DOCK4: variants seen among roughly 807,000 people sequenced by gnomAD.
DOCK4 encodes the protein dedicator of cytokinesis protein 4.
In DOCK4, 97 loss-of-function variants were observed where a neutral mutation model predicts 268.1. That is an observed-to-expected ratio of 0.36 (90% CI 0.31 to 0.43). The LOEUF (loss-of-function observed/expected upper bound fraction) is 0.43, where lower values mean the gene tolerates loss of function less well. Among genes scored for constraint, DOCK4 ranks in the 20% least tolerant of loss-of-function variants. DOCK4 has a pLI of 1.00. For missense variants in DOCK4, 2,145 were observed against 2,455.7 expected (o/e 0.87, Z 2.67); for synonymous variants, 954 against 887.2 (o/e 1.08, Z -1.34).
At chr7:111,860,124 C>T (rs1029116608) in intron 23 of DOCK4, among the ~76,000 whole-genome samples, 1 of 152,220 alleles carries the variant, frequency 6.6e-6, no homozygotes, top group Admixed American at 6.5e-5. Flanking sequence ...TCTGTGGAGC[C>T]TGCTGTTTGC....
At chr7:111,951,231 AATC>A (rs563285270) in intron 8 of DOCK4, among the ~76,000 whole-genome samples, 272 of 152,322 alleles carry the variant, frequency 1.8e-3, no homozygotes, top group Non-Finnish European at 3.3e-3. Flanking sequence ...TCCTGGAAAA[AATC>A]ATAAAGGCAA....
intron 5 of DOCK4, among the ~76,000 whole-genome samples, chr7:111,991,956 G>A (rs553424302): frequency 1.8e-3 from 124 of 69,096 alleles, no homozygotes; most frequent in Middle Eastern, 0.031. Flanking sequence ...GAGAGACTCT[G>A]TCTCCAAAAA....
At chr7:112,097,364 A>G (rs577253961) in intron 1 of DOCK4, among the ~76,000 whole-genome samples, 56 of 152,098 alleles carry the variant, frequency 3.7e-4, no homozygotes, top group African/African-American at 1.3e-3. Context: ...ACTTGAGCCC[A>G]GGAGTTTGAA....
At chr7:112,132,095 T>C (rs1469579304) in intron 1 of DOCK4, among the ~76,000 whole-genome samples, 1 of 152,196 alleles carries the variant, frequency 6.6e-6, no homozygotes, top group Non-Finnish European at 1.5e-5. Flanking sequence ...GGTGGGAGTT[T>C]GGCAGCCCTT....
intron 23 of DOCK4, among the ~76,000 whole-genome samples, chr7:111,857,343 T>G (rs964270494): frequency 6.6e-6 from 1 of 152,158 alleles, no homozygotes; most frequent in Non-Finnish European, 1.5e-5. Flanking sequence ...AAATCCTTAA[T>G]GGGGACTGGG....
intron 35 of DOCK4, among the ~76,000 whole-genome samples, chr7:111,779,393 A>G (rs1427079947): frequency 1.3e-5 from 2 of 152,104 alleles, no homozygotes; most frequent in African/African-American, 2.4e-5. Context: ...TACCTGGACA[A>G]ATTATGTTGG....
intron 1 of DOCK4, among the ~76,000 whole-genome samples, chr7:112,074,914 T>G (rs778769108): frequency 1.8e-4 from 28 of 152,192 alleles, no homozygotes; most frequent in Non-Finnish European, 3.7e-4. Context: ...CCTCTAAGTT[T>G]CTATGTTCAA....
intron 1 of DOCK4, among the ~76,000 whole-genome samples, chr7:112,026,670 G>T (rs1460107256): frequency 6.6e-6 from 1 of 152,184 alleles, no homozygotes; most frequent in Non-Finnish European, 1.5e-5. Context: ...TTTATGGAAA[G>T]ATAACTACAT....
intron 8 of DOCK4, among the ~76,000 whole-genome samples, chr7:111,975,639 C>T (rs1798102607): frequency 6.6e-6 from 1 of 152,120 alleles, no homozygotes; most frequent in African/African-American, 2.4e-5. Context: ...TATTTCCACA[C>T]CTCATAAATT....
intron 36 of DOCK4, among the ~76,000 whole-genome samples, chr7:111,773,553 A>G (rs1798256445): frequency 6.6e-6 from 1 of 152,152 alleles, no homozygotes; most frequent in Non-Finnish European, 1.5e-5. Flanking sequence ...ATTTTCAAAA[A>G]GTTTACTGTT....
intron 42 of DOCK4, among the ~76,000 whole-genome samples, chr7:111,747,817 A>T (rs1289970057): frequency 6.6e-6 from 1 of 151,964 alleles, no homozygotes; most frequent in Non-Finnish European, 1.5e-5. Context: ...CCCCTTTCTC[A>T]TGCTTATTTG....
At chr7:112,088,103 G>A (rs529440525) in intron 1 of DOCK4, among the ~76,000 whole-genome samples, 68 of 152,146 alleles carry the variant, frequency 4.5e-4, no homozygotes, top group South Asian at 2.3e-3. Context: ...ATGAGACCTC[G>A]CATGCAGACA....
At chr7:111,777,029 C>A (rs769657365) in intron 36 of DOCK4, among the ~76,000 whole-genome samples, 1 of 151,976 alleles carries the variant, frequency 6.6e-6, no homozygotes, top group African/African-American at 2.4e-5. Context: ...ACATTTTCCA[C>A]GCTGGTCTGT....
chr7:112,121,851 G>A (rs1423004339), intron 1 of DOCK4, among the ~76,000 whole-genome samples: 2 of 152,070 alleles, frequency 1.3e-5, no homozygotes, highest in East Asian at 1.9e-4. Context: ...CCTTCCTGGT[G>A]CAAAATTATA....
intron 1 of DOCK4, among the ~76,000 whole-genome samples, chr7:112,007,316 A>G (rs995241974): frequency 2.0e-5 from 3 of 149,904 alleles, no homozygotes; most frequent in African/African-American, 7.5e-5. Context: ...GTACAAATAC[A>G]TGGAATGAAT....
At chr7:111,943,052 T>C (rs754793744) in intron 10 of DOCK4, among the ~76,000 whole-genome samples, 2 of 152,238 alleles carry the variant, frequency 1.3e-5, no homozygotes, top group African/African-American at 2.4e-5. Context: ...GACTAAATCT[T>C]AACCTATCTT....
In DOCK4 at chr7:112,099,297, TA is replaced by T. The variant is rs34373613; in HGVS notation, c.38-95167del. ...ATAGAGCAAGACCCTGTCTCGGATTTAAAAAAAAAAAAAAAAAAAAAGTAGT... is the reference window on the plus strand; with the variant it reads ...ATAGAGCAAGACCCTGTCTCGGATTTAAAAAAAAAAAAAAAAAAAAGTAGT... On this transcript the variant is annotated intron_variant, in intron 1 of 52. Transcript: ENST00000428084. Among the ~76,000 whole-genome samples the T allele has an allele frequency of 4.8e-3, 598 of 123,344 alleles. 5 individuals carry two copies. Among genetic ancestry groups the T allele is most frequent in the Middle Eastern group, 8.8e-3 (2 of 226 alleles). 80.9% of individuals were successfully genotyped at this position (123,344 alleles called of 152,430 possible).
Position 112,026,266 on chromosome 7 carries a change from C to T in DOCK4, c.38-22135G>A, listed in dbSNP as rs185597324. ...GCTCCGCCTCCTGTCAGATTAGCAG[C>T]GGCATTGGATTCATAGGAGCGTGAA... On this transcript the variant is annotated intron_variant, in intron 1 of 52. Coordinates refer to ENST00000428084, the MANE Select transcript of DOCK4 (RefSeq NM_001363540.2). Among the ~76,000 whole-genome samples the T allele has an allele frequency of 4.9e-4, 74 of 152,314 alleles. 1 individual carries two copies. The Middle Eastern group carries it at 0.037, about 77-fold the overall frequency.
chr7:112,042,672 C>T (rs1804494552), intron 1 of DOCK4, among the ~76,000 whole-genome samples: 1 of 152,198 alleles, frequency 6.6e-6, no homozygotes, highest in African/African-American at 2.4e-5. Context: ...GGATAACTTG[C>T]TTCTGTTAAC....
Sources: allele counts gnomAD v4.1 joint callset (sites outside exome capture counted in the v4.1 genomes callset), GRCh38; gene constraint gnomAD v4.1.1; transcripts MANE v1.5; gene names NCBI Gene and HGNC (gene_info 2026-07-23, HGNC 2026-07-21).